The following ST3GAL3 variants were observed in gnomAD, a reference collection of about 807,000 sequenced individuals.
ST3GAL3 encodes CMP-N-acetylneuraminate-beta-1,4-galactoside alpha-2,3-sialyltransferase.
Under a neutral mutation model 50.1 loss-of-function variants are expected in ST3GAL3, and 21 were observed. The ratio of observed to expected loss-of-function variants is 0.42; its 90% CI spans 0.30 to 0.60. The LOEUF is 0.60. Among genes scored for constraint, ST3GAL3 ranks in the 20% least tolerant of loss-of-function variants. ST3GAL3 has a pLI of 0.19. For synonymous variants in ST3GAL3, 183 were observed against 190.0 expected (o/e 0.96, Z 0.30); for missense variants, 353 against 489.4 (o/e 0.72, Z 2.63).
At chr1:43,869,965 T>C (rs1160140537) in intron 5 of ST3GAL3, among the ~76,000 whole-genome samples, 2 of 152,216 alleles carry the variant, frequency 1.3e-5, no homozygotes, top group Non-Finnish European at 2.9e-5. Flanking sequence ...GGAAGGGCAG[T>C]TGCCTTATGC....
intron 5 of ST3GAL3, among the ~76,000 whole-genome samples, chr1:43,843,101 A>G (rs2065680271): frequency 6.6e-6 from 1 of 152,232 alleles, no homozygotes; most frequent in South Asian, 2.1e-4. Context: ...TGCATTGGCT[A>G]GACTGTTCAG....
intron 2 of ST3GAL3, among the ~76,000 whole-genome samples, chr1:43,751,547 C>T (rs534627037): frequency 2.6e-5 from 4 of 152,198 alleles, no homozygotes; most frequent in Non-Finnish European, 5.9e-5. Flanking sequence ...TCTTCATATA[C>T]TCCTACATGA....
At chr1:43,838,883 CT>C in intron 5 of ST3GAL3, 1 of 162,950 alleles carries the variant, frequency 6.1e-6, no homozygotes. Context: ...CCACCTTCTC[CT>C]TTTTGGTTTT....
chr1:43,801,228 T>C, intron 3 of ST3GAL3: 1 of 455,602 alleles, frequency 2.2e-6, no homozygotes, highest in Non-Finnish European at 4.4e-6. Context: ...TCATGGGCAA[T>C]ATTTGTGGTT....
chr1:43,714,377 C>T (rs1027506483), intron 1 of ST3GAL3, among the ~76,000 whole-genome samples: 2 of 142,008 alleles, frequency 1.4e-5, no homozygotes, highest in African/African-American at 5.2e-5. Flanking sequence ...TGCCTGAGTT[C>T]AGGAGTTCCA....
intron 5 of ST3GAL3, among the ~76,000 whole-genome samples, chr1:43,862,679 G>A (rs1472114011): frequency 3.3e-5 from 5 of 151,414 alleles, no homozygotes; most frequent in African/African-American, 4.9e-5. Flanking sequence ...AGGCTGAGGC[G>A]GGAGGATCAC....
At chr1:43,744,750 C>T (rs1682841522) in intron 2 of ST3GAL3, among the ~76,000 whole-genome samples, 1 of 151,148 alleles carries the variant, frequency 6.6e-6, no homozygotes, top group African/African-American at 2.4e-5. Context: ...GCCTGTAATA[C>T]CAGCACTTTG....
At chr1:43,917,605 A>ACATAT (rs1553136433) in intron 9 of ST3GAL3, among the ~76,000 whole-genome samples, 1 of 70,766 alleles carries the variant, frequency 1.4e-5, no homozygotes, top group Non-Finnish European at 2.4e-5. Context: ...TATATATATT[A>ACATAT]TATATTATAT....
chr1:43,807,821 G>A (rs962072001), intron 3 of ST3GAL3, among the ~76,000 whole-genome samples: 4 of 152,194 alleles, frequency 2.6e-5, no homozygotes, highest in Non-Finnish European at 5.9e-5. Flanking sequence ...CAGGAATAAA[G>A]GAATTCTCTC....
intron 9 of ST3GAL3, chr1:43,911,893 T>C (rs952769448): frequency 6.6e-6 from 1 of 152,170 alleles, no homozygotes; most frequent in Non-Finnish European, 1.5e-5. Flanking sequence ...TTTCACCATA[T>C]TGCCCAGGCT....
At chr1:43,886,217 C>G (rs2075963445) in intron 5 of ST3GAL3, among the ~76,000 whole-genome samples, 1 of 152,158 alleles carries the variant, frequency 6.6e-6, no homozygotes, top group African/African-American at 2.4e-5. Context: ...CCTGTCTCTA[C>G]TAAAAATACA....
intron 2 of ST3GAL3, among the ~76,000 whole-genome samples, chr1:43,784,245 G>A (rs917293): frequency 0.83 from 126,320 of 152,058 alleles, 53,027 homozygotes; most frequent in East Asian, 0.92. Context: ...GTGGTGGCTC[G>A]TGCCTGTAAT....
chr1:43,762,774 G>A (rs970391334), intron 2 of ST3GAL3, among the ~76,000 whole-genome samples: 1 of 152,140 alleles, frequency 6.6e-6, no homozygotes, highest in Non-Finnish European at 1.5e-5. Context: ...GAAGAAAACT[G>A]ATAGCTGGAA....
chr1:43,855,335 C>A (rs140712028), intron 5 of ST3GAL3, among the ~76,000 whole-genome samples: 62 of 152,304 alleles, frequency 4.1e-4, no homozygotes, highest in African/African-American at 1.4e-3. Flanking sequence ...ATCAGCCAGG[C>A]GCAGTGGCTC....
rs185548596 is a variant in ST3GAL3, at chr1:43,857,703, C to T, written c.302+19392C>T. On this transcript the variant is annotated intron_variant, in intron 5 of 11. Coordinates refer to ENST00000347631, the MANE Select transcript of ST3GAL3 (RefSeq NM_006279.5). ...TGATTTTGGCTCACTGCAACCTCCA[C>T]CTCCCAGGTTTAAGAGATTCTCCTG... 7.1e-3 allele frequency among the ~76,000 whole-genome samples: 1,070 copies of T among 151,716 alleles called. 8 individuals are homozygous for T. Among genetic ancestry groups the T allele is most frequent in the Non-Finnish European group, 0.011 (719 of 67,944 alleles).
chr1:43,881,544 C>G (rs2154256284), intron 5 of ST3GAL3, among the ~76,000 whole-genome samples: 1 of 152,318 alleles, frequency 6.6e-6, no homozygotes, highest in South Asian at 2.1e-4. Context: ...ACGTTCCCCA[C>G]TTCCCTCCCT....
chr1:43,751,320 A>G (rs2154110569), intron 2 of ST3GAL3, among the ~76,000 whole-genome samples: 1 of 152,332 alleles, frequency 6.6e-6, no homozygotes, highest in African/African-American at 2.4e-5. Flanking sequence ...GGAAGGCAAT[A>G]TAATAGTGTG....
At chr1:43,780,815 T>C (rs899932592) in intron 2 of ST3GAL3, among the ~76,000 whole-genome samples, 7 of 152,196 alleles carry the variant, frequency 4.6e-5, no homozygotes, top group African/African-American at 1.7e-4. Context: ...ATTTTTTTTT[T>C]CCTGAGTTTT....
In ST3GAL3 at chr1:43,737,200, A is replaced by T. The variant is rs1337810627; in HGVS notation, c.118+820A>T. ...GTGTGGGAAATAGTATAAAATCAGA[A>T]CAGAGTGGCCTGTTTTGACCTGCAG... On this transcript the variant is annotated intron_variant, in intron 2 of 11. Transcript: ENST00000347631. This position sits in a 1 kb window ranked among gnomAD's most constrained non-coding sequence, Gnocchi z 4.0. 6.6e-6 allele frequency: 1 copy of T among 152,414 alleles called. No individual in the cohort carries two copies. Among genetic ancestry groups the T allele is most frequent in the East Asian group, 1.9e-4 (1 of 5,208 alleles). The allele number at this position is 152,414 out of a possible 1,614,324, so 9.4% of individuals were successfully genotyped here.
Sources: gnomAD v4.1 joint callset for allele counts (sites outside exome capture counted in the v4.1 genomes callset) on GRCh38, gnomAD v4.1.1 for gene constraint, Gnocchi (gnomAD v3.1) non-coding constraint, MANE v1.5 for transcripts, NCBI Gene and HGNC (gene_info 2026-07-23, HGNC 2026-07-21) for gene names.